The following MCTP1 variants were observed in gnomAD, a reference collection of about 807,000 sequenced individuals.
MCTP1 encodes multiple C2 and transmembrane domain-containing protein 1.
A neutral mutation model predicts 120.6 loss-of-function variants in MCTP1; 69 were observed. That is an observed-to-expected ratio of 0.57 (90% confidence interval 0.47 to 0.70). MCTP1 has a LOEUF of 0.70. Among genes scored for constraint, MCTP1 ranks in the 30% least tolerant of loss-of-function variants. The pLI is 0.00. For synonymous variants in MCTP1, 529 were observed against 493.1 expected (o/e 1.07, Z -0.96); for missense variants, 1,203 against 1,248.8 (o/e 0.96, Z 0.55).
intron 18 of MCTP1, among the ~76,000 whole-genome samples, chr5:94,782,418 G>A (rs1776760149): frequency 2.0e-5 from 3 of 152,082 alleles, no homozygotes; most frequent in African/African-American, 4.8e-5. Context: ...GGCTTTAATG[G>A]TCCAGTGAAA....
intron 1 of MCTP1, among the ~76,000 whole-genome samples, chr5:95,135,608 C>T (rs1759392939): frequency 6.6e-6 from 1 of 152,188 alleles, no homozygotes; most frequent in African/African-American, 2.4e-5. Flanking sequence ...ACTGGCCTAG[C>T]CTCCCAGCCT....
At chr5:95,159,111 ATAAT>A (rs1745445782) in intron 1 of MCTP1, among the ~76,000 whole-genome samples, 1 of 152,334 alleles carries the variant, frequency 6.6e-6, no homozygotes, top group Non-Finnish European at 1.5e-5. Context: ...CGTCTAAAAA[ATAAT>A]TAAAGTCAAA....
intron 1 of MCTP1, among the ~76,000 whole-genome samples, chr5:95,088,678 A>C (rs758050962): frequency 5.3e-5 from 8 of 152,246 alleles, no homozygotes; most frequent in Non-Finnish European, 1.0e-4. Flanking sequence ...CACTATTTTT[A>C]CACCAAACAT....
chr5:94,722,830 A>G (rs896062780), intron 19 of MCTP1, among the ~76,000 whole-genome samples: 75 of 152,164 alleles, frequency 4.9e-4, no homozygotes, highest in African/African-American at 1.7e-3. Flanking sequence ...ACATAGCACA[A>G]CGTCTAAAAT....
intron 1 of MCTP1, among the ~76,000 whole-genome samples, chr5:95,069,795 T>TTCAAGCTATTCTCCTGCC (rs1751667144): frequency 6.7e-6 from 1 of 149,666 alleles, no homozygotes; most frequent in South Asian, 2.1e-4. Flanking sequence ...GCCTCCCGGG[T>TTCAAGCTATTCTCCTGCC]TCAAGCTATT....
intron 2 of MCTP1, among the ~76,000 whole-genome samples, chr5:95,008,310 T>A (rs1199958181): frequency 6.6e-6 from 1 of 152,106 alleles, no homozygotes; most frequent in East Asian, 1.9e-4. Context: ...TCCAACCCCT[T>A]CATTGGAGAA....
At chr5:94,886,206 CA>C (rs1207696525) in intron 12 of MCTP1, among the ~76,000 whole-genome samples, 3 of 152,136 alleles carry the variant, frequency 2.0e-5, no homozygotes, top group Admixed American at 1.3e-4. Context: ...CTCACTCATT[CA>C]AAGAGAGTCT....
intron 2 of MCTP1, among the ~76,000 whole-genome samples, chr5:94,954,913 T>C (rs1041318334): frequency 6.6e-6 from 1 of 152,148 alleles, no homozygotes; most frequent in Non-Finnish European, 1.5e-5. Flanking sequence ...CTTTGTATTA[T>C]CCCTTGACAC....
intron 1 of MCTP1, among the ~76,000 whole-genome samples, chr5:95,086,874 C>G (rs1165970564): frequency 6.6e-6 from 1 of 152,098 alleles, no homozygotes; most frequent in African/African-American, 2.4e-5. Context: ...TTTATAACAT[C>G]AAAGTTAAAA....
intron 2 of MCTP1, among the ~76,000 whole-genome samples, chr5:95,015,603 C>A (rs936714913): frequency 1.3e-5 from 2 of 152,084 alleles, no homozygotes; most frequent in Non-Finnish European, 2.9e-5. Context: ...TTATGTATTT[C>A]TTTCTTACAT....
chr5:94,833,893 G>A (rs1041549009), intron 17 of MCTP1, among the ~76,000 whole-genome samples: 5 of 152,178 alleles, frequency 3.3e-5, no homozygotes, highest in Non-Finnish European at 7.4e-5. Flanking sequence ...CAAGAAAAGA[G>A]AGAACTAGCC....
In MCTP1 at chr5:95,248,796, A is replaced by C. The variant is rs1757081527; in HGVS notation, c.720+35060T>G. Among the ~76,000 whole-genome samples the C allele has an allele frequency of 3.9e-5, 6 of 152,354 alleles. No individual in the cohort carries two copies. The South Asian group carries it at 1.2e-3, about 32-fold the overall frequency. On this transcript the variant is annotated intron_variant, in intron 1 of 22. Transcript: ENST00000515393. ...ACTACAAGGCTACAGTAACCAAAACAGGATGGTATGGTACCAAAACAGATA... is the reference window on the plus strand; with the variant it reads ...ACTACAAGGCTACAGTAACCAAAACCGGATGGTATGGTACCAAAACAGATA...
At chr5:95,137,687 C>T (rs1411511165) in intron 1 of MCTP1, among the ~76,000 whole-genome samples, 1 of 151,572 alleles carries the variant, frequency 6.6e-6, no homozygotes, top group Non-Finnish European at 1.5e-5. Context: ...TTTTCCATTT[C>T]ATCTATATTT....
chr5:95,146,165 A>G (rs776226892), intron 1 of MCTP1, among the ~76,000 whole-genome samples: 154 of 152,120 alleles, frequency 1.0e-3, no homozygotes, highest in East Asian at 5.8e-4. Flanking sequence ...GATTTTCTAA[A>G]TTTGTGTGCA....
chr5:94,817,631 T>C (rs1424968686), intron 17 of MCTP1, among the ~76,000 whole-genome samples: 1 of 152,172 alleles, frequency 6.6e-6, no homozygotes, highest in African/African-American at 2.4e-5. Context: ...CAACCTCAAT[T>C]CTAGGTATAT....
chr5:95,103,979 T>G (rs1756924719), intron 1 of MCTP1, among the ~76,000 whole-genome samples: 1 of 152,136 alleles, frequency 6.6e-6, no homozygotes, highest in African/African-American at 2.4e-5. Context: ...TTCCTGTGAT[T>G]TCCAGTTTCT....
chr5:95,099,600 A>G (rs1347958987), intron 1 of MCTP1, among the ~76,000 whole-genome samples: 9 of 148,946 alleles, frequency 6.0e-5, no homozygotes, highest in African/African-American at 1.5e-4. Flanking sequence ...TTAGAATGGC[A>G]ATCATTAAAA....
intron 1 of MCTP1, among the ~76,000 whole-genome samples, chr5:95,167,080 T>C (rs162478): frequency 0.34 from 51,429 of 151,796 alleles, 9,069 homozygotes; most frequent in East Asian, 0.62. Flanking sequence ...CTGCACCCTA[T>C]GACAGGCCCC....
intron 17 of MCTP1, chr5:94,825,907 G>A: frequency 5.8e-6 from 1 of 173,256 alleles, no homozygotes; most frequent in South Asian, 1.5e-4. Context: ...TTGAGAGCAG[G>A]TCCTGTTTAT....
Sources: gnomAD v4.1 joint callset for allele counts (sites outside exome capture counted in the v4.1 genomes callset) on GRCh38, gnomAD v4.1.1 for gene constraint, MANE v1.5 for transcripts, NCBI Gene and HGNC (gene_info 2026-07-23, HGNC 2026-07-21) for gene names.